Variants in PLXDC1 observed in about 807,000 individuals in gnomAD.
PLXDC1 encodes the protein plexin domain-containing protein 1.
PLXDC1 carries 39 observed loss-of-function variants against 61.3 expected under a neutral mutation model. That is an observed-to-expected ratio of 0.64 (90% CI 0.49 to 0.83). PLXDC1 has a LOEUF of 0.83. PLXDC1 is among the 40% of genes least tolerant of loss of function. PLXDC1 has a pLI of 0.00. For synonymous variants in PLXDC1, 212 were observed against 254.5 expected, an observed-to-expected ratio of 0.83 and a Z score of 1.59; for missense variants, 596 against 666.5, an observed-to-expected ratio of 0.89 and a Z score of 1.17.
chr17:39,111,606 C>T (rs1371679710), intron 2 of PLXDC1, among the ~76,000 whole-genome samples: 2 of 152,140 alleles, frequency 1.3e-5, no homozygotes, highest in South Asian at 2.1e-4. Context: ...TCTTATCAGC[C>T]TTTCACCCCT....
intron 6 of PLXDC1, among the ~76,000 whole-genome samples, chr17:39,106,465 C>T (rs561665666): frequency 6.6e-6 from 1 of 151,832 alleles, no homozygotes; most frequent in East Asian, 1.9e-4. Context: ...CACTCTCTCC[C>T]TTCCAACCAT....
At chr17:39,152,573 G>A (rs1597665178), upstream of PLXDC1, 1 of 1,248,580 alleles carries the variant, frequency 8.0e-7, no homozygotes, top group Non-Finnish European at 1.0e-6. Context: ...AAGGAGCTGG[G>A]GCGCTGGAGA....
At chr17:39,117,439 A>G (rs1161388288) in intron 2 of PLXDC1, among the ~76,000 whole-genome samples, 1 of 152,178 alleles carries the variant, frequency 6.6e-6, no homozygotes, top group East Asian at 1.9e-4. Flanking sequence ...TCCACTTGCC[A>G]TCTGAATCCA....
chr17:39,095,687 C>G (rs924064180), intron 7 of PLXDC1, among the ~76,000 whole-genome samples: 2 of 151,350 alleles, frequency 1.3e-5, no homozygotes, highest in Non-Finnish European at 2.9e-5. Context: ...GTTTTTGAGA[C>G]AGGGTCTTGC....
chr17:39,137,761 G>T (rs1186973372), intron 2 of PLXDC1, among the ~76,000 whole-genome samples: 1 of 151,972 alleles, frequency 6.6e-6, no homozygotes, highest in Non-Finnish European at 1.5e-5. Flanking sequence ...GGGAACAGGG[G>T]ATCCAACACA....
intron 13 of PLXDC1, among the ~76,000 whole-genome samples, chr17:39,069,416 T>C (rs905856866): frequency 6.6e-6 from 1 of 152,172 alleles, no homozygotes; most frequent in African/African-American, 2.4e-5. Flanking sequence ...AATTTTAGCC[T>C]TAAAAGCAGG....
chr17:39,077,973 A>C lies in PLXDC1; in HGVS notation c.1126T>G (p.Tyr376Asp). 1 of 1,613,796 alleles carries C rather than the reference A, an allele frequency of 6.2e-7. No homozygotes were observed. The highest frequency in any genetic ancestry group is 8.5e-7 in the Non-Finnish European group (1 of 1,179,734). The part of the protein sequence containing the change: ...SASPDTSFSP[Y>D]DGDLTTTSSS... Reference sequence around the variant, plus strand: ...GAGGTAGTGGTGAGGTCTCCATCATAGGGGCTGAAGGAAGTGTCAGGGGAG... The same window carrying C: ...GAGGTAGTGGTGAGGTCTCCATCATCGGGGCTGAAGGAAGTGTCAGGGGAG... The change falls in exon 11 of 14, where the codon TAT becomes GAT. Residue 376 changes from tyrosine (Y) to aspartate (D), a missense_variant. Coordinates refer to ENST00000315392, the MANE Select transcript of PLXDC1 (RefSeq NM_020405.5).
At position 39,088,963 on chromosome 17, in the gene PLXDC1, A is replaced by AAG. The variant is rs1555570852; in HGVS notation, c.812-1263_812-1262dup. Reference sequence around the variant, plus strand: ...AGACTGAAAAAAAAAAAAAAAAAAAAAGAGAGAGAGAGAAAAAGAAAGAAA... The same window carrying AAG: ...AGACTGAAAAAAAAAAAAAAAAAAAAAGAGAGAGAGAGAGAAAAAGAAAGAAA... On this transcript the variant is annotated intron_variant, in intron 7 of 13. Transcript: ENST00000315392. Among the ~76,000 whole-genome samples the AAG allele has an allele frequency of 1.2e-3, 139 of 119,588 alleles. 8 individuals carry two copies. The East Asian group carries it at 0.032, about 28-fold the overall frequency. 78.5% of individuals were successfully genotyped at this position (119,588 alleles called of 152,430 possible).
At chr17:39,085,910 T>TA (rs1234356383) in intron 8 of PLXDC1, among the ~76,000 whole-genome samples, 1 of 151,480 alleles carries the variant, frequency 6.6e-6, no homozygotes, top group Non-Finnish European at 1.5e-5. Flanking sequence ...GGAGGCCCCT[T>TA]AAAAGACTCC....
rs1445678983 is a variant in PLXDC1, at chr17:39,064,769, G to A, written c.*3071C>T. The stretch of plus-strand genomic sequence containing the variant: ...AGGAAGAGCTGAGGGTGGAGTAGGG[G>A]GGTGCCGGTGGAAGGAGGGTCTGAA... On this transcript the variant is annotated 3_prime_UTR_variant, in exon 14 of 14. Transcript: ENST00000315392. The A allele has an allele frequency of 6.6e-6, 1 of 152,294 alleles. No individual in the cohort carries two copies. The highest frequency in any genetic ancestry group is 2.4e-5 in the African/African-American group (1 of 41,428). The allele number at this position is 152,294 out of a possible 1,614,324, so 9.4% of individuals were successfully genotyped here. A position where few individuals can be genotyped will look rare whatever the true frequency, so the allele number is the denominator to read the frequency against.
rs1908790202 is a variant in PLXDC1 at position 39,063,641 on chromosome 17, A to T, written c.*4199T>A. On this transcript the variant is annotated 3_prime_UTR_variant, in exon 14 of 14. Coordinates refer to ENST00000315392, the MANE Select transcript of PLXDC1 (RefSeq NM_020405.5). ...TAAAAGAATGCTTCCTTTTATTATT[A>T]ACACTGAGAATCCATGCAGAGAGTT... is the stretch of plus-strand genomic sequence containing the variant. The T allele has an allele frequency of 4.9e-6, 3 of 614,110 alleles. No individual in the cohort carries two copies. Among genetic ancestry groups the T allele is most frequent in the Non-Finnish European group, 8.7e-6 (3 of 345,278 alleles). 38.0% of individuals were successfully genotyped at this position (614,110 alleles called of 1,614,324 possible).
chr17:39,101,952 T>C (rs148011916), intron 7 of PLXDC1, among the ~76,000 whole-genome samples: 52 of 151,938 alleles, frequency 3.4e-4, no homozygotes, highest in African/African-American at 1.1e-3. Flanking sequence ...GGCAGGCAGA[T>C]ATTGGGAAGA....
At chr17:39,133,050 C>A (rs1167809806) in intron 2 of PLXDC1, among the ~76,000 whole-genome samples, 1 of 152,140 alleles carries the variant, frequency 6.6e-6, no homozygotes, top group Non-Finnish European at 1.5e-5. Context: ...CCACCCTCTG[C>A]CGCCAACCCA....
chr17:39,125,879 G>A lies in PLXDC1; in HGVS notation c.255+13775C>T, dbSNP rs141552442. Among the ~76,000 whole-genome samples, 441 of 152,248 alleles carry A rather than the reference G, an allele frequency of 2.9e-3. 1 individual carries two copies. Among genetic ancestry groups the A allele is most frequent in the African/African-American group, 0.01 (435 of 41,544 alleles). On this transcript the variant is annotated intron_variant, in intron 2 of 13. Coordinates refer to ENST00000315392, the MANE Select transcript of PLXDC1 (RefSeq NM_020405.5). Reference sequence around the variant, plus strand: ...ATGCTTTTATAAATACTACTGTGATGAACTTGTTGATACATTTTCCATATC... The same window carrying A: ...ATGCTTTTATAAATACTACTGTGATAAACTTGTTGATACATTTTCCATATC...
At chr17:39,072,558 G>C in intron 11 of PLXDC1, 73 bp from the exon 12 acceptor site, 4 of 978,110 alleles carry the variant, frequency 4.1e-6, no homozygotes, top group Non-Finnish European at 4.8e-6. Flanking sequence ...AGTCCAGATG[G>C]GATGAAAGTT....
chr17:39,151,388 CG>C lies in PLXDC1; in HGVS notation c.49del (p.Arg17GlyfsTer3). The C allele has an allele frequency of 7.7e-7, 1 of 1,293,968 alleles. No homozygotes were observed. The highest frequency in any genetic ancestry group is 2.3e-5 in the South Asian group (1 of 43,236). 80.2% of individuals were successfully genotyped at this position (1,293,968 alleles called of 1,614,324 possible). On this transcript the variant is annotated frameshift_variant, in exon 1 of 14. Transcript: ENST00000315392. LOFTEE classifies it high-confidence loss of function. The surrounding 1 kb of genome is among the most constrained non-coding windows in gnomAD (Gnocchi z 5.2). ...LLVLVLREAARALSPQPGAGH... is the reference protein window; with the variant it reads ...LLVLVLREAAXALSPQPGAGH... ...TGCTCCGGGCTGGGGGCTCAGCGCC[CG>C]GGCAGCCTCCCTGAGCACCAGCACC... is the stretch of plus-strand genomic sequence containing the variant.
intron 1 of PLXDC1, among the ~76,000 whole-genome samples, chr17:39,142,484 G>C (rs1463071713): frequency 6.6e-6 from 1 of 152,176 alleles, no homozygotes; most frequent in Non-Finnish European, 1.5e-5. Flanking sequence ...AATGGCTTTA[G>C]GTTCCATGAT....
intron 2 of PLXDC1, 124 bp downstream of exon 2, chr17:39,139,530 C>T: frequency 1.1e-6 from 1 of 893,768 alleles, no homozygotes; most frequent in Non-Finnish European, 1.7e-6. Context: ...TTCTCTCCAC[C>T]CTGTCCTCCG....
intron 2 of PLXDC1, among the ~76,000 whole-genome samples, chr17:39,126,630 G>A (rs2143821309): frequency 6.6e-6 from 1 of 152,230 alleles, no homozygotes; most frequent in Non-Finnish European, 1.5e-5. Context: ...GCGGCTCAGG[G>A]AACAAGGCGG....
Sources: allele counts gnomAD v4.1 joint callset (sites outside exome capture counted in the v4.1 genomes callset), GRCh38; gene constraint gnomAD v4.1.1; non-coding constraint Gnocchi (gnomAD v3.1); transcripts MANE v1.5; gene names NCBI Gene and HGNC (gene_info 2026-07-23, HGNC 2026-07-21).